The following TPST1 variants were observed in gnomAD, a reference collection of about 807,000 sequenced individuals.
TPST1 encodes tyrosylprotein sulfotransferase 1.
A neutral mutation model predicts 34.8 loss-of-function variants in TPST1; 20 were observed. That is an observed-to-expected ratio of 0.57 (90% CI 0.40 to 0.84). The LOEUF (loss-of-function observed/expected upper bound fraction) is 0.84, where lower values mean the gene tolerates loss of function less well. TPST1 is among the 40% of genes least tolerant of loss of function. The pLI, the probability that TPST1 is intolerant of heterozygous loss-of-function variation, is 0.00. For missense variants in TPST1, 353 were observed against 455.5 expected, an observed-to-expected ratio of 0.78 and a Z score of 2.05; for synonymous variants, 152 against 159.4, an observed-to-expected ratio of 0.95 and a Z score of 0.35.
upstream of TPST1, among the ~76,000 whole-genome samples, chr7:66,203,038 C>T: frequency 6.6e-6 from 1 of 152,154 alleles, no homozygotes; most frequent in Admixed American, 6.5e-5. Flanking sequence ...GTCATACATA[C>T]CATTGCACTC....
chr7:66,247,733 A>G (rs577506703), intron 2 of TPST1, among the ~76,000 whole-genome samples: 1 of 152,300 alleles, frequency 6.6e-6, no homozygotes, highest in South Asian at 2.1e-4. Flanking sequence ...TCCTTAGCCA[A>G]TGAGCCACCC....
chr7:66,329,429 C>CT (rs11389260), intron 3 of TPST1, among the ~76,000 whole-genome samples: 10,506 of 151,240 alleles, frequency 0.069, 1,176 homozygotes, highest in African/African-American at 0.24. Flanking sequence ...ACTCACATGG[C>CT]TTTTTTTTTA....
At chr7:66,270,296 G>T (rs571026540) in intron 2 of TPST1, among the ~76,000 whole-genome samples, 11 of 152,224 alleles carry the variant, frequency 7.2e-5, no homozygotes, top group Non-Finnish European at 1.6e-4. Context: ...CCACTGGAAG[G>T]ACTATTTTAA....
chr7:66,354,210 G>A (rs1357235761), intron 4 of TPST1, among the ~76,000 whole-genome samples: 1 of 152,152 alleles, frequency 6.6e-6, no homozygotes, highest in Non-Finnish European at 1.5e-5. Context: ...CCCAGGCTGG[G>A]CATGATGTCC....
intron 3 of TPST1, among the ~76,000 whole-genome samples, chr7:66,299,307 T>TTC (rs1015185962): frequency 6.6e-6 from 1 of 151,450 alleles, no homozygotes; most frequent in African/African-American, 2.4e-5. Flanking sequence ...AGGTTTTTTT[T>TTC]TTTTTTTTTA....
intron 3 of TPST1, among the ~76,000 whole-genome samples, chr7:66,334,166 CAGTT>C (rs1363022105): frequency 2.0e-5 from 3 of 152,130 alleles, no homozygotes; most frequent in Non-Finnish European, 2.9e-5. Context: ...TGTGTAGGAA[CAGTT>C]AGACTTCCAG....
At chr7:66,280,129 GGA>G (rs1790904064) in intron 2 of TPST1, among the ~76,000 whole-genome samples, 2 of 152,204 alleles carry the variant, frequency 1.3e-5, no homozygotes, top group South Asian at 4.1e-4. Flanking sequence ...TGGCACCAAA[GGA>G]CAGCTTGGGA....
At chr7:66,220,443 T>C (rs1789517916) in intron 1 of TPST1, among the ~76,000 whole-genome samples, 1 of 151,992 alleles carries the variant, frequency 6.6e-6, no homozygotes, top group African/African-American at 2.4e-5. Context: ...CCATGTAGTG[T>C]GAGATGTGAT....
At chr7:66,341,624 C>T (rs984696584) in intron 3 of TPST1, among the ~76,000 whole-genome samples, 1 of 152,172 alleles carries the variant, frequency 6.6e-6, no homozygotes, top group Non-Finnish European at 1.5e-5. Flanking sequence ...AAAAGGCTGG[C>T]TGAGAAAGCA....
intron 1 of TPST1, among the ~76,000 whole-genome samples, chr7:66,213,070 C>T (rs1789298892): frequency 6.6e-6 from 1 of 152,046 alleles, no homozygotes; most frequent in Non-Finnish European, 1.5e-5. Context: ...TTGGAGTTCT[C>T]TTAATTTCTT....
Position 66,263,514 on chromosome 7 carries a change from A to G in TPST1, c.845+22244A>G, listed in dbSNP as rs111269163. 1.3e-3 allele frequency among the ~76,000 whole-genome samples: 196 copies of G among 152,322 alleles called. 1 individual carries two copies. Among genetic ancestry groups the G allele is most frequent in the African/African-American group, 4.5e-3 (189 of 41,570 alleles). On this transcript the variant is annotated intron_variant, in intron 2 of 5. Transcript: ENST00000304842. ...AAAAACCTGAGGCAATATTTCTTCAAGCAAGCTACCGGTTTCAGAACCATC... is the reference window on the plus strand; with the variant it reads ...AAAAACCTGAGGCAATATTTCTTCAGGCAAGCTACCGGTTTCAGAACCATC...
chr7:66,266,058 A>C (rs1790586115), intron 2 of TPST1, among the ~76,000 whole-genome samples: 1 of 152,202 alleles, frequency 6.6e-6, no homozygotes, highest in Admixed American at 6.5e-5. Context: ...AAGAATAAAG[A>C]ACATGGGTCA....
intron 3 of TPST1, among the ~76,000 whole-genome samples, chr7:66,346,575 G>A (rs896829579): frequency 2.0e-5 from 3 of 152,112 alleles, no homozygotes; most frequent in African/African-American, 7.2e-5. Flanking sequence ...CTCCCTGATG[G>A]TCATGACGTA....
chr7:66,309,630 G>A (rs1489432284), intron 3 of TPST1, among the ~76,000 whole-genome samples: 1 of 152,150 alleles, frequency 6.6e-6, no homozygotes, highest in Non-Finnish European at 1.5e-5. Context: ...GGTAGGGAGG[G>A]CCACTGGATA....
At chr7:66,202,240 A>G (rs533555236), upstream of TPST1, among the ~76,000 whole-genome samples, 11 of 152,254 alleles carry the variant, frequency 7.2e-5, no homozygotes, top group African/African-American at 2.4e-4. Context: ...TTTGCTTCAG[A>G]TCAAGCTGTT....
intron 1 of TPST1, among the ~76,000 whole-genome samples, chr7:66,233,882 A>G (rs1192731899): frequency 3.3e-5 from 5 of 151,860 alleles, no homozygotes; most frequent in African/African-American, 1.2e-4. Context: ...TTTTTCTGAG[A>G]CAAGAGTGTC....
chr7:66,311,513 A>G (rs1327037083), intron 3 of TPST1, among the ~76,000 whole-genome samples: 1 of 152,202 alleles, frequency 6.6e-6, no homozygotes, highest in Non-Finnish European at 1.5e-5. Context: ...GGAAGTTCAA[A>G]GTAGCACATT....
At chr7:66,283,927 C>G (rs140091263) in intron 2 of TPST1, among the ~76,000 whole-genome samples, 8 of 152,272 alleles carry the variant, frequency 5.3e-5, no homozygotes, top group Admixed American at 2.6e-4. Flanking sequence ...AATATCAAAC[C>G]CACATAGTGG....
intron 2 of TPST1, among the ~76,000 whole-genome samples, chr7:66,254,252 C>G (rs1790335445): frequency 1.3e-5 from 2 of 152,102 alleles, no homozygotes; most frequent in Admixed American, 1.3e-4. Flanking sequence ...GTGGGCCTCT[C>G]CTTTTATTTA....
Sources: allele counts gnomAD v4.1 joint callset (sites outside exome capture counted in the v4.1 genomes callset), GRCh38; gene constraint gnomAD v4.1.1; transcripts MANE v1.5; gene names NCBI Gene and HGNC (gene_info 2026-07-23, HGNC 2026-07-21).